UTP14A: variants seen among roughly 807,000 people sequenced by gnomAD.
The protein encoded by UTP14A is U3 small nucleolar RNA-associated protein 14 homolog A.
A neutral mutation model predicts 57.2 loss-of-function variants in UTP14A; 5 were observed. The ratio of observed to expected loss-of-function variants is 0.09; its 90% CI spans 0.05 to 0.18. UTP14A has a LOEUF of 0.18. Among genes scored for constraint, UTP14A ranks in the 10% least tolerant of loss-of-function variants. The pLI is 1.00. For missense variants in UTP14A, 430 were observed against 562.1 expected (o/e 0.76, Z 2.38); for synonymous variants, 169 against 210.9 (o/e 0.80, Z 1.72).
At position 129,929,697 on chromosome X, in the gene UTP14A, C is replaced by T; in HGVS notation, c.*89C>T. ...TACAGGGTGGATTCCAAAACTGGCTCAGTACATTGCATGTAGTTAAGCCAC... is the reference window on the plus strand; with the variant it reads ...TACAGGGTGGATTCCAAAACTGGCTTAGTACATTGCATGTAGTTAAGCCAC... On this transcript the variant is annotated 3_prime_UTR_variant, in exon 15 of 15. Coordinates refer to ENST00000394422, the MANE Select transcript of UTP14A (RefSeq NM_006649.4). 1.9e-6 allele frequency: 2 copies of T among 1,041,042 alleles called. No homozygotes were observed. Among genetic ancestry groups the T allele is most frequent in the Non-Finnish European group, 2.6e-6 (2 of 769,179 alleles). 85.8% of individuals were successfully genotyped at this position (1,041,042 alleles called of 1,213,427 possible).
intron 6 of UTP14A, among the ~76,000 whole-genome samples, chrX:129,914,098 A>G (rs1468267017): frequency 8.9e-6 from 1 of 112,138 alleles, no homozygotes; most frequent in Non-Finnish European, 1.9e-5. Flanking sequence ...CATTGAATAT[A>G]CCATGCCGTT....
rs376806821 is a variant in UTP14A at position 129,929,383 on chromosome X, G to A, written c.2091G>A (p.Arg697=). ...TTACCCACCATTGGCAATTTGAAAG[G>A]ACCATCCAGACCCCCATAGGATCCA... ...YPFTHHWQFE[R]TIQTPIGSTW... is the part of the protein sequence containing the mutation. The change falls in exon 15 of 15, where the codon AGG becomes AGA. Residue 697 remains arginine, a synonymous_variant. Transcript: ENST00000394422. The A allele has an allele frequency of 2.2e-5, 26 of 1,209,096 alleles. No individual in the cohort carries two copies. In the African/African-American group the frequency reaches 4.2e-4, roughly 20 times the overall value.
chrX:129,921,740 T>C, intron 11 of UTP14A, 153 bp downstream of exon 11: 2 of 566,345 alleles, frequency 3.5e-6, no homozygotes, highest in Non-Finnish European at 2.6e-6. Context: ...GAAGAGAAAT[T>C]AGATTCATAA....
rs781600202 is a variant in UTP14A, at chrX:129,927,352, C to G, written c.2043+1013C>G. Among the ~76,000 whole-genome samples the G allele has an allele frequency of 2.7e-5, 3 of 111,722 alleles. No individual in the cohort carries two copies. In the South Asian group the frequency reaches 1.1e-3, roughly 42 times the overall value. ...GTCCAGGTGTTCTCTTTTTCTGTTG[C>G]CCTGGTTGACAAGCACAGATGTAGC... On this transcript the variant is annotated intron_variant, in intron 14 of 14. Transcript: ENST00000394422.
At chrX:129,908,187 C>A in intron 3 of UTP14A, 57 bp downstream of exon 3, 3 of 1,017,480 alleles carry the variant, frequency 2.9e-6, no homozygotes, top group Non-Finnish European at 4.1e-6. Flanking sequence ...GATTTCTCTG[C>A]AGCTAATATT....
chrX:129,921,870 A>C (rs35055731), intron 11 of UTP14A: 65,258 of 274,841 alleles, frequency 0.24, 9,153 homozygotes, highest in African/African-American at 0.68. Flanking sequence ...ACTAAACCAT[A>C]CTCGAAGTCA....
At chrX:129,918,955 C>T (rs1929802900) in intron 6 of UTP14A, among the ~76,000 whole-genome samples, 2 of 111,364 alleles carry the variant, frequency 1.8e-5, no homozygotes, top group African/African-American at 6.5e-5. Context: ...AGAGTAGCCT[C>T]AGCGTCTCCC....
At chrX:129,920,640 A>G in intron 9 of UTP14A, 35 bp from the exon 10 acceptor site, 1 of 1,205,969 alleles carries the variant, frequency 8.3e-7, no homozygotes, top group Non-Finnish European at 1.1e-6. Flanking sequence ...GGAAGGCACT[A>G]AAGATGTAAA....
rs751579402 is a variant in UTP14A at position 129,910,598 on chromosome X, G to T, written c.239-410G>T. Among the ~76,000 whole-genome samples the T allele has an allele frequency of 5.4e-5, 6 of 111,884 alleles. No homozygotes were observed. In the South Asian group the frequency reaches 2.2e-3, roughly 41 times the overall value. ...CCAGCTACTTGGGAGGATTGCCTGA[G>T]CCTGGGAGGCAGAGATGGCACCACT... On this transcript the variant is annotated intron_variant, in intron 4 of 14. Transcript: ENST00000394422.
At chrX:129,929,235 C>T in intron 14 of UTP14A, 101 bp from the exon 15 acceptor site, 1 of 1,026,780 alleles carries the variant, frequency 9.7e-7, no homozygotes, top group Non-Finnish European at 1.3e-6. Context: ...TCATGTGGAA[C>T]CGTGGCCTGT....
chrX:129,921,714 C>T (rs755580583), intron 11 of UTP14A, 127 bp downstream of exon 11: 9 of 674,095 alleles, frequency 1.3e-5, no homozygotes, highest in Middle Eastern at 3.3e-4. Flanking sequence ...TGCAAGAGTG[C>T]GTACACTGGA....
rs752898139 is a variant in UTP14A, at chrX:129,929,568, C to G, written c.2276C>G (p.Thr759Arg). 6.6e-6 allele frequency: 8 copies of G among 1,209,772 alleles called. No homozygotes were observed. The African/African-American group carries it at 1.2e-4, about 19-fold the overall frequency. The change falls in exon 15 of 15, where the codon ACA (threonine) becomes AGA (arginine). Residue 759 changes from threonine (T) to arginine (R), a missense_variant. Thr to Arg is a moderately conservative substitution (Grantham distance 71). Around this residue, in one of 4 missense-constraint regions of UTP14A, gnomAD observed 82 missense variants for 151.4 expected, o/e 0.54. Coordinates refer to ENST00000394422, the MANE Select transcript of UTP14A (RefSeq NM_006649.4). ...CAGAGGAATCCAAAACGAATCACCA[C>G]ACGTCACAAAAAACAGCTGAAGAAA... Reference protein sequence around the residue: ...VIQRNPKRITTRHKKQLKKCS... With the variant: ...VIQRNPKRITRRHKKQLKKCS...
At chrX:129,925,867 C>T (rs1206608601) in intron 12 of UTP14A, 52 bp from the exon 13 acceptor site, 18 of 1,186,545 alleles carry the variant, frequency 1.5e-5, no homozygotes, top group East Asian at 3.0e-5. Context: ...GCGTTCTCGC[C>T]ATGAACCACA....
intron 4 of UTP14A, among the ~76,000 whole-genome samples, chrX:129,910,548 C>T (rs1471374048): frequency 6.3e-5 from 7 of 111,446 alleles, no homozygotes; most frequent in African/African-American, 2.0e-4. Context: ...AAATTAACCA[C>T]GCGTGGTGGC....
intron 5 of UTP14A, among the ~76,000 whole-genome samples, chrX:129,911,543 C>T (rs759433618): frequency 9.0e-6 from 1 of 111,343 alleles, no homozygotes; most frequent in Admixed American, 9.6e-5. Flanking sequence ...GCTCTCCAGC[C>T]TGGGCAACAC....
chrX:129,908,028 A>G, intron 2 of UTP14A, 32 bp from the exon 3 acceptor site: 1 of 1,153,779 alleles, frequency 8.7e-7, no homozygotes. Context: ...CCTCCCCCTC[A>G]TCCTGATTGT....
chrX:129,924,055 C>T (rs912657770), intron 11 of UTP14A, among the ~76,000 whole-genome samples: 2 of 108,781 alleles, frequency 1.8e-5, no homozygotes, highest in African/African-American at 6.7e-5. Flanking sequence ...CCTTCTGGCT[C>T]CAGCAATCCT....
intron 11 of UTP14A, 107 bp from the exon 12 acceptor site, chrX:129,924,688 A>T: frequency 1.0e-6 from 1 of 965,454 alleles, no homozygotes; most frequent in Non-Finnish European, 1.4e-6. Context: ...TCCTTTTTAT[A>T]ATGTCTTATG....
chrX:129,924,343 G>A (rs1930022208), intron 11 of UTP14A, among the ~76,000 whole-genome samples: 1 of 100,043 alleles, frequency 1.0e-5, no homozygotes, highest in Admixed American at 1.1e-4. Flanking sequence ...CTGGAGTGCA[G>A]TGGCACAATC....
Sources: gnomAD v4.1 joint callset for allele counts (sites outside exome capture counted in the v4.1 genomes callset) on GRCh38, gnomAD v4.1.1 for gene constraint, gnomAD v4.1.1 regional missense constraint, MANE v1.5 for transcripts, NCBI Gene and HGNC (gene_info 2026-07-23, HGNC 2026-07-21) for gene names.